Variants in SLC8A1 observed in about 807,000 individuals in gnomAD.
SLC8A1 encodes the protein solute carrier family 8 member A1, also known as sodium/calcium exchanger 1.
A neutral mutation model predicts 68.3 loss-of-function variants in SLC8A1; 18 were observed. The observed-to-expected ratio is 0.26, with a 90% CI of 0.18 to 0.39. SLC8A1 has a LOEUF of 0.39. Among genes scored for constraint, SLC8A1 ranks in the 10% least tolerant of loss-of-function variants. SLC8A1 has a pLI of 1.00. For missense variants in SLC8A1, 985 were observed against 1,156.7 expected, an observed-to-expected ratio of 0.85 and a Z score of 2.15; for synonymous variants, 475 against 415.5, an observed-to-expected ratio of 1.14 and a Z score of -1.74.
chr2:40,417,281 T>C (rs1287618611), intron 2 of SLC8A1, among the ~76,000 whole-genome samples: 1 of 152,096 alleles, frequency 6.6e-6, no homozygotes, highest in Non-Finnish European at 1.5e-5. Flanking sequence ...ATATGCATAG[T>C]ACCAAATAGA....
At chr2:40,381,327 T>C (rs951541063) in intron 2 of SLC8A1, among the ~76,000 whole-genome samples, 1 of 152,072 alleles carries the variant, frequency 6.6e-6, no homozygotes, top group Non-Finnish European at 1.5e-5. Flanking sequence ...TCCATTTCCC[T>C]GTCCTTCCAC....
intron 2 of SLC8A1, among the ~76,000 whole-genome samples, chr2:40,253,356 A>C (rs1017811626): frequency 9.9e-5 from 15 of 151,376 alleles, no homozygotes; most frequent in Non-Finnish European, 1.3e-4. Flanking sequence ...ACACAATGGA[A>C]TATTGTCCAG....
chr2:40,456,430 T>G (rs947293946), upstream of SLC8A1, among the ~76,000 whole-genome samples: 4 of 152,114 alleles, frequency 2.6e-5, no homozygotes, highest in Non-Finnish European at 5.9e-5. Flanking sequence ...GTCCTGCAAC[T>G]TTATCAATGG....
At chr2:40,499,070 G>T (rs1213120674) in intron 1 of SLC8A1, among the ~76,000 whole-genome samples, 3 of 151,986 alleles carry the variant, frequency 2.0e-5, no homozygotes, top group African/African-American at 4.8e-5. Context: ...GAGAAAATTC[G>T]AGAGAAACAC....
At chr2:40,385,044 T>A (rs1182901398) in intron 2 of SLC8A1, among the ~76,000 whole-genome samples, 2 of 152,080 alleles carry the variant, frequency 1.3e-5, no homozygotes, top group Admixed American at 6.6e-5. Context: ...ATTTCTAAAA[T>A]AATCATAAAT....
chr2:40,415,572 G>A (rs1693554932), intron 2 of SLC8A1, among the ~76,000 whole-genome samples: 2 of 152,030 alleles, frequency 1.3e-5, no homozygotes. Flanking sequence ...ATGTTTAGTA[G>A]CCAAGCTGTA....
intron 2 of SLC8A1, among the ~76,000 whole-genome samples, chr2:40,389,600 A>G (rs6544335): frequency 1 from 151,270 of 151,866 alleles, 75,343 homozygotes; most frequent in Middle Eastern, 1. Context: ...TAAAAACTAT[A>G]ACCCCAGACC....
chr2:40,431,481 C>A (rs958844676), intron 1 of SLC8A1, among the ~76,000 whole-genome samples: 1 of 152,000 alleles, frequency 6.6e-6, no homozygotes, highest in African/African-American at 2.4e-5. Flanking sequence ...TGGACTCAAC[C>A]ACCATGGCCT....
At chr2:40,463,887 C>CACACACATAT (rs796954298) in intron 1 of SLC8A1, among the ~76,000 whole-genome samples, 4 of 108,558 alleles carry the variant, frequency 3.7e-5, no homozygotes, top group South Asian at 3.1e-4. Flanking sequence ...CACACACACA[C>CACACACATAT]ATATATATAT....
intron 2 of SLC8A1, among the ~76,000 whole-genome samples, chr2:40,233,667 T>C (rs1355487302): frequency 7.0e-6 from 1 of 143,200 alleles, no homozygotes; most frequent in African/African-American, 2.6e-5. Context: ...ATGAAGTCTT[T>C]GCCCATGCCT....
At chr2:40,428,738 C>T (rs940609227) in exon 2 of SLC8A1, 2 of 1,613,694 alleles carry the variant, frequency 1.2e-6, no homozygotes, top group Admixed American at 1.7e-5. Flanking sequence ...AGTGTAGAAA[C>T]ATGATTGGCT....
intron 7 of SLC8A1, among the ~76,000 whole-genome samples, chr2:40,128,756 C>G (rs990561497): frequency 5.9e-5 from 9 of 152,082 alleles, no homozygotes; most frequent in African/African-American, 2.2e-4. Context: ...ATACACAAAA[C>G]AATGAAGAAC....
At chr2:40,229,814 T>C (rs530663567) in intron 2 of SLC8A1, among the ~76,000 whole-genome samples, 1 of 152,108 alleles carries the variant, frequency 6.6e-6, no homozygotes, top group Non-Finnish European at 1.5e-5. Flanking sequence ...TAAAAAACAG[T>C]TATGCACATG....
At chr2:40,465,128 T>C (rs1173964369) in intron 1 of SLC8A1, among the ~76,000 whole-genome samples, 1 of 152,160 alleles carries the variant, frequency 6.6e-6, no homozygotes, top group African/African-American at 2.4e-5. Flanking sequence ...AATTTTAAAA[T>C]TCATGGGGTA....
rs1394312089 is a variant in SLC8A1, at chr2:40,483,085, T to G, written c.-25+29264A>C. On this transcript the variant is annotated intron_variant, in intron 1 of 7. Coordinates refer to the SLC8A1 transcript ENST00000402441. ...TCCCAAAGGGCTGGGATTACAGGCA[T>G]AAGCCATCGTGCCCGGCCCACAGTT... is the stretch of plus-strand genomic sequence containing the variant. 2.0e-5 allele frequency among the ~76,000 whole-genome samples: 3 copies of G among 151,688 alleles called. No homozygotes were observed. In the East Asian group the frequency reaches 5.8e-4, roughly 29 times the overall value.
chr2:40,485,489 A>T (rs1439292348), intron 1 of SLC8A1, among the ~76,000 whole-genome samples: 1 of 152,172 alleles, frequency 6.6e-6, no homozygotes, highest in Admixed American at 6.5e-5. Context: ...TTGCTTGCTC[A>T]ACTGCCAGTT....
chr2:40,158,552 C>T (rs115316885), intron 6 of SLC8A1, among the ~76,000 whole-genome samples: 8 of 152,126 alleles, frequency 5.3e-5, no homozygotes, highest in Non-Finnish European at 1.2e-4. Context: ...CAGTTATTAA[C>T]AATTCTTCAA....
In SLC8A1 at chr2:40,178,360, GGCTCAGCCCTGGAGCA is replaced by G. The variant is rs769743805; in HGVS notation, c.1809-521_1809-506del. 3.8e-6 allele frequency: 6 copies of G among 1,581,582 alleles called. No homozygotes were observed. The Admixed American group carries it at 1.0e-4, about 26-fold the overall frequency. On this transcript the variant is annotated intron_variant, in intron 2 of 7. Coordinates refer to ENST00000406785, the Ensembl canonical transcript of SLC8A1. ...TGGCACAGGCCAGCAGAAGCTGTTGGGCTCAGCCCTGGAGCAGCTCCCCCACCTTTCTTCTCACTCA... is the reference window on the plus strand; with the variant it reads ...TGGCACAGGCCAGCAGAAGCTGTTGGGCTCCCCCACCTTTCTTCTCACTCA...
intron 2 of SLC8A1, among the ~76,000 whole-genome samples, chr2:40,282,473 T>C (rs553560902): frequency 2.0e-5 from 3 of 152,338 alleles, no homozygotes; most frequent in Admixed American, 2.0e-4. Flanking sequence ...AGTTTGCCTA[T>C]GTACATTTGT....
Sources: gnomAD v4.1 joint callset for allele counts (sites outside exome capture counted in the v4.1 genomes callset) on GRCh38, gnomAD v4.1.1 for gene constraint, MANE v1.5 for transcripts, NCBI Gene and HGNC (gene_info 2026-07-23, HGNC 2026-07-21) for gene names.